HABP2: variants seen among roughly 807,000 people sequenced by gnomAD.
HABP2 encodes hyaluronan binding protein 2.
HABP2 carries 65 observed loss-of-function variants against 66.5 expected under a neutral mutation model. The observed-to-expected ratio is 0.98, with a 90% CI of 0.80 to 1.20. The LOEUF (loss-of-function observed/expected upper bound fraction) is 1.20, where lower values mean the gene tolerates loss of function less well. Among genes scored for constraint, HABP2 ranks in the 50% most tolerant of loss-of-function variants. The probability of loss-of-function intolerance (pLI) is 0.00; values close to 1 mark genes in which losing one functional copy is unlikely to be tolerated. For synonymous variants in HABP2, 263 were observed against 253.9 expected (o/e 1.04, Z -0.34); for missense variants, 786 against 691.0 (o/e 1.14, Z -1.54).
chr10:113,553,047 AT>A (rs768924245), upstream of HABP2: 372 of 1,055,836 alleles, frequency 3.5e-4, no homozygotes, highest in Admixed American at 6.9e-4. Context: ...GGAGACTGAC[AT>A]TTTTCCCCCC....
rs540159419 is a variant in HABP2, at chr10:113,584,914, A to G, written c.1372+632A>G. Among the ~76,000 whole-genome samples, 7 of 152,330 alleles carry G rather than the reference A, an allele frequency of 4.6e-5. No homozygotes were observed. In the South Asian group the frequency reaches 1.4e-3, roughly 32 times the overall value. The stretch of plus-strand genomic sequence containing the variant: ...AAGTAACCAAAGGATTACTTTCCTC[A>G]TAGTACTGGCAACATTATACCCACT... On this transcript the variant is annotated intron_variant, in intron 11 of 12. Transcript: ENST00000351270.
At chr10:113,562,006 C>CTGG (rs1845108363) in intron 1 of HABP2, among the ~76,000 whole-genome samples, 1 of 152,168 alleles carries the variant, frequency 6.6e-6, no homozygotes, top group Non-Finnish European at 1.5e-5. Flanking sequence ...CTTTGAGACT[C>CTGG]TGGTGGCTTA....
chr10:113,588,441 TGGACACCTCCAGAGCCTCCA>T lies in HABP2; in HGVS notation c.*75_*94del. On this transcript the variant is annotated 3_prime_UTR_variant, in exon 13 of 13. Coordinates refer to ENST00000351270, the MANE Select transcript of HABP2 (RefSeq NM_004132.5). ...CACCGGGAGGCCTCATGGCCAACAA[TGGACACCTCCAGAGCCTCCA>T]GGGGACCACACAGTAGACTATCCCT... The T allele has an allele frequency of 8.3e-7, 1 of 1,206,344 alleles. No individual in the cohort carries two copies. Among genetic ancestry groups the T allele is most frequent in the Non-Finnish European group, 1.2e-6 (1 of 846,578 alleles). The allele number at this position is 1,206,344 out of a possible 1,614,324, so 74.7% of individuals were successfully genotyped here.
At position 113,583,203 on chromosome 10, in the gene HABP2, T is replaced by C. The variant is rs1353259133; in HGVS notation, c.1095-13T>C. On this transcript the variant is annotated splice_polypyrimidine_tract_variant and intron_variant, in intron 9 of 12. Transcript: ENST00000351270. ...AAACAGTGCCTTCCTGACCATCTCATTTTCCCTTGCAGCATAAAAACCAGA... is the reference window on the plus strand; with the variant it reads ...AAACAGTGCCTTCCTGACCATCTCACTTTCCCTTGCAGCATAAAAACCAGA... 1.2e-6 allele frequency: 2 copies of C among 1,612,508 alleles called. No homozygotes were observed. Among genetic ancestry groups the C allele is most frequent in the Admixed American group, 1.7e-5 (1 of 59,800 alleles).
In HABP2 at chr10:113,578,608, G is replaced by T; in HGVS notation, c.569-19G>T. 1 of 1,595,396 alleles carries T rather than the reference G, an allele frequency of 6.3e-7. No homozygotes were observed. ...GCCAATGGCTGTTGGTTCTCACATT[G>T]CTACCTGCTCTCTCGGAGGTTCTGA... is the stretch of plus-strand genomic sequence containing the variant. On this transcript the variant is annotated intron_variant, in intron 6 of 12. Transcript: ENST00000351270.
At chr10:113,582,921 A>G (rs1011589978) in intron 9 of HABP2, among the ~76,000 whole-genome samples, 1 of 152,206 alleles carries the variant, frequency 6.6e-6, no homozygotes, top group African/African-American at 2.4e-5. Context: ...GCACCTGCCA[A>G]TGGATTTTAG....
chr10:113,562,207 C>T (rs11575635), intron 1 of HABP2, among the ~76,000 whole-genome samples: 2 of 152,316 alleles, frequency 1.3e-5, no homozygotes, highest in Non-Finnish European at 2.9e-5. Flanking sequence ...TAAGAGAAGA[C>T]GGGTCAGCTG....
Position 113,588,816 on chromosome 10 carries a change from C to CAA in HABP2, c.*448_*449dup. On this transcript the variant is annotated 3_prime_UTR_variant, in exon 13 of 13. Coordinates refer to ENST00000351270, the MANE Select transcript of HABP2 (RefSeq NM_004132.5). ...TAGGTATCAGAGAGGACCACAAATA[C>CAA]AACATTCTCCATCTGCTTTCAGAGT... The CAA allele has an allele frequency of 1.5e-6, 1 of 646,066 alleles. No homozygotes were observed. The highest frequency in any genetic ancestry group is 2.7e-5 in the Admixed American group (1 of 37,232). 40.0% of individuals were successfully genotyped at this position (646,066 alleles called of 1,614,324 possible).
At position 113,556,150 on chromosome 10, in the gene HABP2, A is replaced by G. The variant is rs142972380; in HGVS notation, c.69+2960A>G. 6.3e-3 allele frequency among the ~76,000 whole-genome samples: 956 copies of G among 152,326 alleles called. 4 individuals carry two copies. The highest frequency in any genetic ancestry group is 0.01 in the Non-Finnish European group (687 of 68,022). ...GAATCTTCCCAGGGATAGAGCCACA[A>G]AACAGTTTGCATAGGTCAGAAGTTG... On this transcript the variant is annotated intron_variant, in intron 1 of 12. Coordinates refer to ENST00000351270, the MANE Select transcript of HABP2 (RefSeq NM_004132.5).
rs1355737751 is a variant in HABP2 at position 113,567,402 on chromosome 10, A to G, written c.70-87A>G. On this transcript the variant is annotated intron_variant, in intron 1 of 12. Coordinates refer to ENST00000351270, the MANE Select transcript of HABP2 (RefSeq NM_004132.5). ...AAAGCACGCAGTGCACCTGCACCCC[A>G]TACGATCTCCTCTGGCTGACAGCTA... 9 of 1,007,964 alleles carry G rather than the reference A, an allele frequency of 8.9e-6. No homozygotes were observed. The East Asian group carries it at 1.9e-4, about 21-fold the overall frequency. 62.4% of individuals were successfully genotyped at this position (1,007,964 alleles called of 1,614,324 possible).
chr10:113,564,808 A>G (rs1401455586), intron 1 of HABP2, among the ~76,000 whole-genome samples: 1 of 151,178 alleles, frequency 6.6e-6, no homozygotes, highest in Non-Finnish European at 1.5e-5. Context: ...ATCATTTGCA[A>G]GTAAATTGTA....
Position 113,570,614 on chromosome 10 carries a change from C to T in HABP2, c.106+3089C>T, listed in dbSNP as rs146689453. ...CTCTCTACCCAGGAAAATATGTGGA[C>T]GAGTTTCTAGATCGCTACAGAGCTC... On this transcript the variant is annotated intron_variant, in intron 2 of 12. Transcript: ENST00000351270. Among the ~76,000 whole-genome samples the T allele has an allele frequency of 9.8e-5, 15 of 152,312 alleles. No individual in the cohort carries two copies. The South Asian group carries it at 1.0e-3, about 11-fold the overall frequency.
In HABP2 at chr10:113,568,595, C is replaced by T. The variant is rs527527295; in HGVS notation, c.106+1070C>T. 1.2e-4 allele frequency among the ~76,000 whole-genome samples: 18 copies of T among 152,278 alleles called. No individual in the cohort carries two copies. In the South Asian group the frequency reaches 2.5e-3, roughly 21 times the overall value. On this transcript the variant is annotated intron_variant, in intron 2 of 12. Coordinates refer to ENST00000351270, the MANE Select transcript of HABP2 (RefSeq NM_004132.5). ...TTTCCCCAACACGAAGGATATTCAACGACACATAGTTCAGTTCCTCTGAAG... is the reference window on the plus strand; with the variant it reads ...TTTCCCCAACACGAAGGATATTCAATGACACATAGTTCAGTTCCTCTGAAG...
Position 113,575,896 on chromosome 10 carries a change from G to C in HABP2, c.224-1G>C, listed in dbSNP as rs371854467. ...CATTGCCTTCTTCCTGTGTGTCTTA[G>C]ATCCATGCCAGCCCAACCCCTGTGA... is the stretch of plus-strand genomic sequence containing the variant. On this transcript the variant is annotated splice_acceptor_variant, in intron 3 of 12. Coordinates refer to ENST00000351270, the MANE Select transcript of HABP2 (RefSeq NM_004132.5). LOFTEE classifies it high-confidence loss of function. The C allele has an allele frequency of 1.5e-5, 23 of 1,582,902 alleles. No individual in the cohort carries two copies. Among genetic ancestry groups the C allele is most frequent in the Non-Finnish European group, 1.6e-5 (19 of 1,152,378 alleles).
rs534989366 is a variant in HABP2, at chr10:113,562,631, G to A, written c.70-4858G>A. Among the ~76,000 whole-genome samples the A allele has an allele frequency of 5.9e-5, 9 of 152,248 alleles. No individual in the cohort carries two copies. In the East Asian group the frequency reaches 1.7e-3, roughly 29 times the overall value. ...GGCTAATTTTTGTATTTTTAGTAGAGATGGGGTTTTGCCATGTTGGCCAAG... is the reference window on the plus strand; with the variant it reads ...GGCTAATTTTTGTATTTTTAGTAGAAATGGGGTTTTGCCATGTTGGCCAAG... On this transcript the variant is annotated intron_variant, in intron 1 of 12. Coordinates refer to ENST00000351270, the MANE Select transcript of HABP2 (RefSeq NM_004132.5).
At chr10:113,577,890 G>C in intron 5 of HABP2, 136 bp from the exon 6 acceptor site, 1 of 954,772 alleles carries the variant, frequency 1.0e-6, no homozygotes, top group Non-Finnish European at 1.6e-6. Context: ...CAGTGGATCT[G>C]TCTTTCCCAT....
chr10:113,571,452 G>A (rs1306866411), intron 2 of HABP2, among the ~76,000 whole-genome samples: 1 of 152,066 alleles, frequency 6.6e-6, no homozygotes, highest in Non-Finnish European at 1.5e-5. Flanking sequence ...GACTTCTTAA[G>A]GCCCAGGCTC....
In HABP2 at chr10:113,589,540, G is replaced by GCTGCGTTT; in HGVS notation, c.*1173_*1180dup. 8.6e-7 allele frequency: 1 copy of GCTGCGTTT among 1,165,622 alleles called. No homozygotes were observed. The highest frequency in any genetic ancestry group is 1.2e-6 in the Non-Finnish European group (1 of 828,722). 72.2% of individuals were successfully genotyped at this position (1,165,622 alleles called of 1,614,324 possible). A position where few individuals can be genotyped will look rare whatever the true frequency, so the allele number is the denominator to read the frequency against. On this transcript the variant is annotated 3_prime_UTR_variant, in exon 13 of 13. Coordinates refer to ENST00000351270, the MANE Select transcript of HABP2 (RefSeq NM_004132.5). ...CCATGAAATTAGGCGCCTTGTTTGAGCTGCGTTTCACACTTCTTTAGAGCT... is the reference window on the plus strand; with the variant it reads ...CCATGAAATTAGGCGCCTTGTTTGAGCTGCGTTTCTGCGTTTCACACTTCTTTAGAGCT...
At position 113,584,167 on chromosome 10, in the gene HABP2, AGTGGATGGTCACT is replaced by A. The variant is rs746604136; in HGVS notation, c.1261_1273del (p.Asp421LeufsTer2). ...ACCTAGCATTGCTCAAGTTAAAGCCAGTGGATGGTCACTGTGCTCTAGAATCCAAATACGTGAA... is the reference window on the plus strand; with the variant it reads ...ACCTAGCATTGCTCAAGTTAAAGCCAGTGCTCTAGAATCCAAATACGTGAA... On this transcript the variant is annotated frameshift_variant, in exon 11 of 13. Transcript: ENST00000351270. LOFTEE classifies it high-confidence loss of function. 6 of 1,613,884 alleles carry A rather than the reference AGTGGATGGTCACT, an allele frequency of 3.7e-6. No individual in the cohort carries two copies. The highest frequency in any genetic ancestry group is 5.1e-6 in the Non-Finnish European group (6 of 1,179,758).
Sources: gnomAD v4.1 joint callset for allele counts (sites outside exome capture counted in the v4.1 genomes callset) on GRCh38, gnomAD v4.1.1 for gene constraint, MANE v1.5 for transcripts, NCBI Gene and HGNC (gene_info 2026-07-23, HGNC 2026-07-21) for gene names.